The following LZIC variants were observed in gnomAD, a reference collection of about 807,000 sequenced individuals.
LZIC encodes the protein leucine zipper and CTNNBIP1 domain containing, also known as protein LZIC.
LZIC carries 28 observed loss-of-function variants against 25.4 expected under a neutral mutation model. That is an observed-to-expected ratio of 1.10 (90% CI 0.82 to 1.51). The LOEUF is 1.51. LZIC is among the 40% of genes most tolerant of loss of function. LZIC has a pLI of 0.00. For synonymous variants in LZIC, 65 were observed against 70.7 expected (o/e 0.92, Z 0.40); for missense variants, 170 against 211.1 (o/e 0.81, Z 1.21).
rs549592217 is a variant in LZIC at position 9,929,153 on chromosome 1, A to G, written c.*1246T>C. 1 of 267,104 alleles carries G rather than the reference A, an allele frequency of 3.7e-6. No individual in the cohort carries two copies. The highest frequency in any genetic ancestry group is 1.4e-4 in the South Asian group (1 of 7,040). 16.5% of individuals were successfully genotyped at this position (267,104 alleles called of 1,614,324 possible). A position where few individuals can be genotyped will look rare whatever the true frequency, so the allele number is the denominator to read the frequency against. On this transcript the variant is annotated 3_prime_UTR_variant, in exon 8 of 8. Coordinates refer to ENST00000377223, the MANE Select transcript of LZIC (RefSeq NM_032368.5). Reference sequence around the variant, plus strand: ...TAAATGTTCTGCCAACGAATGGTACACTTTAAAATGGTGAATTTTATGATA... The same window carrying G: ...TAAATGTTCTGCCAACGAATGGTACGCTTTAAAATGGTGAATTTTATGATA...
In LZIC at chr1:9,931,980, A is replaced by G; in HGVS notation, c.433-8T>C. ...CTCATCATCTGCAGTCAGCTAAACA[A>G]AATGAAACAAAGTCCAGTTGAGTGG... On this transcript the variant is annotated splice_polypyrimidine_tract_variant and splice_region_variant and intron_variant, in intron 6 of 7. Coordinates refer to ENST00000377223, the MANE Select transcript of LZIC (RefSeq NM_032368.5). The G allele has an allele frequency of 1.2e-6, 2 of 1,610,582 alleles. No homozygotes were observed. Among genetic ancestry groups the G allele is most frequent in the Non-Finnish European group, 1.7e-6 (2 of 1,177,750 alleles).
Position 9,926,554 on chromosome 1 carries a change from C to T in LZIC, c.*3845G>A, listed in dbSNP as rs1639992283. On this transcript the variant is annotated 3_prime_UTR_variant, in exon 8 of 8. Coordinates refer to ENST00000377223, the MANE Select transcript of LZIC (RefSeq NM_032368.5). ...ACTTGATTTCTTCCTTTACCACCCA[C>T]ATAAAATATGTCTTACTGCTCACAA... 6.6e-6 allele frequency among the ~76,000 whole-genome samples: 1 copy of T among 152,216 alleles called. No individual in the cohort carries two copies. Among genetic ancestry groups the T allele is most frequent in the Non-Finnish European group, 1.5e-5 (1 of 68,042 alleles).
intron 2 of LZIC, among the ~76,000 whole-genome samples, chr1:9,942,011 G>A (rs1640770347): frequency 6.6e-6 from 1 of 152,002 alleles, no homozygotes; most frequent in South Asian, 2.1e-4. Context: ...CAGCCTCCTG[G>A]GTTCAAGCAA....
intron 5 of LZIC, 45 bp downstream of exon 5, chr1:9,934,716 GA>G (rs1273359066): frequency 6.5e-7 from 1 of 1,530,550 alleles, no homozygotes; most frequent in East Asian, 2.3e-5. Context: ...ATTGGCCTAG[GA>G]AATGAAAAAC....
At position 9,927,029 on chromosome 1, in the gene LZIC, C is replaced by T. The variant is rs978156258; in HGVS notation, c.*3370G>A. Among the ~76,000 whole-genome samples, 11 of 152,080 alleles carry T rather than the reference C, an allele frequency of 7.2e-5. No individual in the cohort carries two copies. The highest frequency in any genetic ancestry group is 2.7e-4 in the African/African-American group (11 of 41,412). On this transcript the variant is annotated 3_prime_UTR_variant, in exon 8 of 8. Coordinates refer to ENST00000377223, the MANE Select transcript of LZIC (RefSeq NM_032368.5). ...TTACGTGCATTAACAGAGGGGAATGCATAATAATCCTATGAGGTAGGCCCT... is the reference window on the plus strand; with the variant it reads ...TTACGTGCATTAACAGAGGGGAATGTATAATAATCCTATGAGGTAGGCCCT...
chr1:9,942,301 T>G (rs968795843), intron 2 of LZIC, among the ~76,000 whole-genome samples: 32 of 152,316 alleles, frequency 2.1e-4, no homozygotes, highest in African/African-American at 6.7e-4. Context: ...CTGACTAAAC[T>G]CTGGAGAACA....
intron 4 of LZIC, among the ~76,000 whole-genome samples, chr1:9,935,148 G>A (rs1257658007): frequency 6.6e-6 from 1 of 151,780 alleles, no homozygotes; most frequent in Non-Finnish European, 1.5e-5. Flanking sequence ...AAAAACTAAA[G>A]GCCAGGCACA....
intron 2 of LZIC, 36 bp downstream of exon 2, chr1:9,942,588 C>CTAT: frequency 9.2e-7 from 1 of 1,090,320 alleles, no homozygotes; most frequent in Non-Finnish European, 1.2e-6. Context: ...CTCTCAGACA[C>CTAT]TATATCTGGA....
Position 9,930,200 on chromosome 1 carries a change from ACTCAAGCAGGTAACCG to A in LZIC, c.*183_*198del. The A allele has an allele frequency of 7.1e-7, 1 of 1,399,576 alleles. No homozygotes were observed. The highest frequency in any genetic ancestry group is 1.4e-5 in the African/African-American group (1 of 69,944). 86.7% of individuals were successfully genotyped at this position (1,399,576 alleles called of 1,614,324 possible). A position where few individuals can be genotyped will look rare whatever the true frequency, so the allele number is the denominator to read the frequency against. ...CCTCTGTCGCAACAAGTTCAGGATC[ACTCAAGCAGGTAACCG>A]CACACAACGCACAATGATGAAGAGC... is the stretch of plus-strand genomic sequence containing the variant. On this transcript the variant is annotated 3_prime_UTR_variant, in exon 8 of 8. Coordinates refer to ENST00000377223, the MANE Select transcript of LZIC (RefSeq NM_032368.5).
At position 9,932,841 on chromosome 1, in the gene LZIC, C is replaced by A. The variant is rs1640286796; in HGVS notation, c.394G>T (p.Val132Leu). The A allele has an allele frequency of 6.2e-7, 1 of 1,612,788 alleles. No individual in the cohort carries two copies. Among genetic ancestry groups the A allele is most frequent in the African/African-American group, 1.3e-5 (1 of 74,884 alleles). Residue 132 changes from valine to leucine, a missense_variant, in exon 6 of 8, where the codon GTG (valine) becomes TTG (leucine). Coordinates refer to ENST00000377223, the MANE Select transcript of LZIC (RefSeq NM_032368.5). ...LERDLYTQQK[V>L]EILTALRKLG... The stretch of plus-strand genomic sequence containing the variant: ...TTCCTAAGAGCTGTTAGTATCTCCA[C>A]TTTCTGTTGAGTGTACAGGTCTCTT...
intron 5 of LZIC, among the ~76,000 whole-genome samples, chr1:9,934,340 G>A (rs1640366402): frequency 6.6e-6 from 1 of 152,016 alleles, no homozygotes; most frequent in Non-Finnish European, 1.5e-5. Flanking sequence ...CTACTGAATT[G>A]CCCATACTTA....
chr1:9,940,811 C>T (rs570846778), intron 2 of LZIC, among the ~76,000 whole-genome samples: 2 of 152,094 alleles, frequency 1.3e-5, no homozygotes, highest in East Asian at 3.8e-4. Flanking sequence ...AAGTATTATA[C>T]CCAGAAGTGT....
At chr1:9,925,309 G>A (rs559106808), downstream of LZIC, among the ~76,000 whole-genome samples, 1 of 152,022 alleles carries the variant, frequency 6.6e-6, no homozygotes, top group Non-Finnish European at 1.5e-5. Context: ...ACGAAACTCC[G>A]TCTCAAAAAC....
intron 2 of LZIC, among the ~76,000 whole-genome samples, chr1:9,939,540 GC>G (rs1159073529): frequency 1.0e-3 from 34 of 33,914 alleles, no homozygotes; most frequent in Middle Eastern, 0.021. Context: ...CACCACATCT[GC>G]CTTTTTTTTT....
chr1:9,932,935 T>A, intron 5 of LZIC, 37 bp from the exon 6 acceptor site: 1 of 1,340,466 alleles, frequency 7.5e-7, no homozygotes, highest in Non-Finnish European at 1.1e-6. Context: ...GTTACTTAAG[T>A]GAAAAACATT....
intron 7 of LZIC, 63 bp downstream of exon 7, chr1:9,931,828 C>T (rs1570632121): frequency 9.6e-7 from 1 of 1,036,394 alleles, no homozygotes; most frequent in East Asian, 2.5e-5. Flanking sequence ...CACTCTCCAT[C>T]AGTTTGTATG....
intron 2 of LZIC, among the ~76,000 whole-genome samples, chr1:9,941,948 G>A (rs1411670176): frequency 1.3e-5 from 2 of 150,984 alleles, no homozygotes; most frequent in East Asian, 4.0e-4. Context: ...ACGGAGTCTC[G>A]CTCTGTCGTC....
At position 9,929,911 on chromosome 1, in the gene LZIC, C is replaced by G. The variant is rs1287389412; in HGVS notation, c.*488G>C. On this transcript the variant is annotated 3_prime_UTR_variant, in exon 8 of 8. Transcript: ENST00000377223. ...GCAAAGTCGCTTGCTCTTTCTGGACCTCAGTTTCCTTGTTTGTAAAAACAG... is the reference window on the plus strand; with the variant it reads ...GCAAAGTCGCTTGCTCTTTCTGGACGTCAGTTTCCTTGTTTGTAAAAACAG... The G allele has an allele frequency of 1.4e-5, 13 of 955,728 alleles. No homozygotes were observed. The highest frequency in any genetic ancestry group is 1.8e-5 in the African/African-American group (1 of 56,510). The allele number at this position is 955,728 out of a possible 1,614,324, so 59.2% of individuals were successfully genotyped here.
In LZIC at chr1:9,929,473, T is replaced by C. The variant is rs1640121866; in HGVS notation, c.*926A>G. On this transcript the variant is annotated 3_prime_UTR_variant, in exon 8 of 8. Coordinates refer to ENST00000377223, the MANE Select transcript of LZIC (RefSeq NM_032368.5). ...AATTTGCTTTTCCTCATAACTTATT[T>C]TGTGTTTCTCCAAAACCTGAAGAGT... 2 of 985,418 alleles carry C rather than the reference T, an allele frequency of 2.0e-6. No individual in the cohort carries two copies. The highest frequency in any genetic ancestry group is 2.4e-6 in the Non-Finnish European group (2 of 829,936). 61.0% of individuals were successfully genotyped at this position (985,418 alleles called of 1,614,324 possible). A position where few individuals can be genotyped will look rare whatever the true frequency, so the allele number is the denominator to read the frequency against.
Sources: gnomAD v4.1 joint callset for allele counts (sites outside exome capture counted in the v4.1 genomes callset) on GRCh38, gnomAD v4.1.1 for gene constraint, MANE v1.5 for transcripts, NCBI Gene and HGNC (gene_info 2026-07-23, HGNC 2026-07-21) for gene names.